Variants in ARHGAP30 observed in about 807,000 individuals in gnomAD.
ARHGAP30 encodes the protein Rho GTPase activating protein 30, also known as rho GTPase-activating protein 30.
ARHGAP30 carries 23 observed loss-of-function variants against 72.0 expected under a neutral mutation model. That is an observed-to-expected ratio of 0.32 (90% CI 0.23 to 0.45). The LOEUF (loss-of-function observed/expected upper bound fraction) is 0.45. ARHGAP30 is among the 20% of genes least tolerant of loss of function. ARHGAP30 has a pLI of 1.00. For synonymous variants in ARHGAP30, 576 were observed against 528.2 expected (o/e 1.09, Z -1.24); for missense variants, 1,319 against 1,383.4 (o/e 0.95, Z 0.74).
rs573527253 is a variant in ARHGAP30, at chr1:161,054,120, A to T, written c.536+246T>A. ...CTGTTATGTTCCAGTCCCTGAGCTC[A>T]GTGACACACTGTAGGAAAACACAAA... On this transcript the variant is annotated intron_variant, in intron 5 of 11. Coordinates refer to ENST00000368013, the MANE Select transcript of ARHGAP30 (RefSeq NM_001025598.2). Among the ~76,000 whole-genome samples, 5 of 152,316 alleles carry T rather than the reference A, an allele frequency of 3.3e-5. No individual in the cohort carries two copies. The East Asian group carries it at 9.7e-4, about 29-fold the overall frequency.
chr1:161,066,018 C>A (rs969128479), intron 1 of ARHGAP30, among the ~76,000 whole-genome samples: 1 of 151,440 alleles, frequency 6.6e-6, no homozygotes, highest in Non-Finnish European at 1.5e-5. Flanking sequence ...GCGCACACCA[C>A]CATGTCCAGC....
At chr1:161,050,108 G>A (rs920541841) in intron 10 of ARHGAP30, among the ~76,000 whole-genome samples, 2 of 152,088 alleles carry the variant, frequency 1.3e-5, no homozygotes, top group Non-Finnish European at 2.9e-5. Flanking sequence ...CTTCTCATGA[G>A]TGACACTTCA....
chr1:161,064,707 T>G (rs1238141340), intron 1 of ARHGAP30, among the ~76,000 whole-genome samples: 1 of 147,844 alleles, frequency 6.8e-6, no homozygotes, highest in Non-Finnish European at 1.5e-5. Context: ...CAGTGAGTGA[T>G]GATGGCACCA....
chr1:161,049,361 A>T (rs767530546), intron 11 of ARHGAP30, 27 bp from the exon 12 acceptor site: 1 of 1,604,398 alleles, frequency 6.2e-7, no homozygotes, highest in East Asian at 2.2e-5. Context: ...GTGACTCAGG[A>T]CCAGGAGGCC....
chr1:161,052,863 CCTT>C, intron 6 of ARHGAP30, 66 bp from the exon 7 acceptor site: 1 of 1,558,966 alleles, frequency 6.4e-7, no homozygotes, highest in Non-Finnish European at 8.7e-7. Context: ...GGCACCCAAT[CCTT>C]CATCACCCCT....
chr1:161,053,224 A>G lies in ARHGAP30; in HGVS notation c.664+34T>C, dbSNP rs557078090. On this transcript the variant is annotated intron_variant, in intron 6 of 11. Transcript: ENST00000368013. ...TCTGTAACTAACTTGACTCCCCAAC[A>G]GTGGGATATGTGGAGGGCAGGAAGG... 222 of 1,612,168 alleles carry G rather than the reference A, an allele frequency of 1.4e-4. 6 individuals carry two copies. In the South Asian group the frequency reaches 2.3e-3, roughly 17 times the overall value.
Position 161,048,094 on chromosome 1 carries a change from C to A in ARHGAP30, c.2927G>T (p.Gly976Val). ...PRPGRLDGTP[G>V]ERAWGSRASR... is the part of the protein sequence containing the mutation. Reference sequence around the variant, plus strand: ...AGCTCGGGACCCCCAAGCCCTTTCTCCAGGAGTCCCATCAAGCCGGCCAGG... The same window carrying A: ...AGCTCGGGACCCCCAAGCCCTTTCTACAGGAGTCCCATCAAGCCGGCCAGG... Residue 976 changes from glycine to valine, a missense_variant, in exon 12 of 12, where the codon GGA (glycine) becomes GTA (valine). Gly to Val is a moderately radical substitution (Grantham distance 109). Around this residue, in one of 2 missense-constraint regions of ARHGAP30, gnomAD observed 1,097 missense variants for 1,045.2 expected, o/e 1.05. Coordinates refer to ENST00000368013, the MANE Select transcript of ARHGAP30 (RefSeq NM_001025598.2). 6.2e-7 allele frequency: 1 copy of A among 1,614,176 alleles called. No homozygotes were observed. The highest frequency in any genetic ancestry group is 8.5e-7 in the Non-Finnish European group (1 of 1,180,016).
Position 161,048,705 on chromosome 1 carries a change from C to T in ARHGAP30, c.2316G>A (p.Gly772=). 2.5e-6 allele frequency: 4 copies of T among 1,614,054 alleles called. No individual in the cohort carries two copies. Among genetic ancestry groups the T allele is most frequent in the Non-Finnish European group, 3.4e-6 (4 of 1,180,010 alleles). ...CCTCAGCAACTTGATCTTCCTGGGC[C>T]CCTTGCTCTAGGTCCCTTCCAGCTT... ...QVEAGRDLEQ[G]AQEDQVAEEK... is the part of the protein sequence containing the mutation. The change falls in exon 12 of 12, where the codon GGG becomes GGA. Residue 772 remains glycine, a synonymous_variant. Coordinates refer to ENST00000368013, the MANE Select transcript of ARHGAP30 (RefSeq NM_001025598.2).
intron 3 of ARHGAP30, 126 bp from the exon 4 acceptor site, chr1:161,054,831 C>T: frequency 1.2e-6 from 1 of 801,862 alleles, no homozygotes; most frequent in Non-Finnish European, 2.1e-6. Context: ...CATCCTACAT[C>T]ATCTGCGGTG....
At chr1:161,051,861 A>T (rs1351798362) in intron 9 of ARHGAP30, 146 bp from the exon 10 acceptor site, 3 of 1,420,334 alleles carry the variant, frequency 2.1e-6, no homozygotes, top group Non-Finnish European at 1.8e-6. Flanking sequence ...GCTTCTTTTG[A>T]TCACTACTGC....
Position 161,063,932 on chromosome 1 carries a change from G to A in ARHGAP30, c.98-4216C>T, listed in dbSNP as rs192904509. 2.0e-4 allele frequency among the ~76,000 whole-genome samples: 31 copies of A among 152,280 alleles called. No individual in the cohort carries two copies. In the East Asian group the frequency reaches 3.7e-3, roughly 18 times the overall value. Reference sequence around the variant, plus strand: ...TCGCCTAATAAATTTTGGTCAGACCGGTTGATCTCAAAACCTGTCTCCTGA... The same window carrying A: ...TCGCCTAATAAATTTTGGTCAGACCAGTTGATCTCAAAACCTGTCTCCTGA... On this transcript the variant is annotated intron_variant, in intron 1 of 11. Transcript: ENST00000368013.
At position 161,048,902 on chromosome 1, in the gene ARHGAP30, C is replaced by T. The variant is rs1651114079; in HGVS notation, c.2119G>A (p.Glu707Lys). ...GSQETKVRLR[E>K]GSREETEAKE... ...GCCTCTGTCTCTTCCCTACTCCCTT[C>T]TCTCAATCTGACTTTTGTCTCTTGG... Residue 707 changes from glutamate (E) to lysine (K), a missense_variant, in exon 12 of 12, where the codon GAA becomes AAA. Physicochemically the swap from Glu to Lys is moderately conservative, Grantham distance 56. This residue lies in a region of ARHGAP30 where 1,097 missense variants were observed against 1,045.2 expected (regional missense o/e 1.05). Transcript: ENST00000368013. 1 of 1,614,158 alleles carries T rather than the reference C, an allele frequency of 6.2e-7. No individual in the cohort carries two copies. Among genetic ancestry groups the T allele is most frequent in the African/African-American group, 1.3e-5 (1 of 75,032 alleles).
chr1:161,052,589 C>G (rs1002858510), intron 7 of ARHGAP30, 37 bp downstream of exon 7: 1 of 1,613,888 alleles, frequency 6.2e-7, no homozygotes, highest in Admixed American at 1.7e-5. Flanking sequence ...ACATGAAGGT[C>G]GGTGCAGGGG....
intron 6 of ARHGAP30, 33 bp downstream of exon 6, chr1:161,053,225 G>A (rs750515978): frequency 6.2e-7 from 1 of 1,611,950 alleles, no homozygotes; most frequent in Non-Finnish European, 8.5e-7. Flanking sequence ...CTCCCCAACA[G>A]TGGGATATGT....
intron 2 of ARHGAP30, among the ~76,000 whole-genome samples, chr1:161,058,860 CA>C (rs771979327): frequency 1.0e-3 from 120 of 114,690 alleles, no homozygotes; most frequent in Middle Eastern, 4.4e-3. Flanking sequence ...GACTCTATCT[CA>C]AAAAAAAAAA....
chr1:161,068,950 G>A (rs1483764879), intron 1 of ARHGAP30, among the ~76,000 whole-genome samples: 3 of 152,156 alleles, frequency 2.0e-5, no homozygotes, highest in South Asian at 4.1e-4. Context: ...GGGACAACAA[G>A]AGAATCACAA....
In ARHGAP30 at chr1:161,069,483, A is replaced by G; in HGVS notation, c.97+45T>C. On this transcript the variant is annotated intron_variant, in intron 1 of 11. Transcript: ENST00000368013. The surrounding 1 kb of genome is among the most constrained non-coding windows in gnomAD (Gnocchi z 4.9). ...AGGCTGGATCGGGCTGCAGATGCCC[A>G]GTGCCTCCCCACCCACCCTGCAGAA... 3 of 1,548,612 alleles carry G rather than the reference A, an allele frequency of 1.9e-6. No homozygotes were observed. The highest frequency in any genetic ancestry group is 2.7e-6 in the Non-Finnish European group (3 of 1,130,886).
At position 161,053,438 on chromosome 1, in the gene ARHGAP30, C is replaced by A; in HGVS notation, c.537-53G>T. Reference sequence around the variant, plus strand: ...CTCAGCCCCACCAAACTTCCCAATCCAGATTCTCCCTGAAAATACCTTATT... The same window carrying A: ...CTCAGCCCCACCAAACTTCCCAATCAAGATTCTCCCTGAAAATACCTTATT... On this transcript the variant is annotated intron_variant, in intron 5 of 11. Coordinates refer to ENST00000368013, the MANE Select transcript of ARHGAP30 (RefSeq NM_001025598.2). The A allele has an allele frequency of 3.8e-6, 6 of 1,580,282 alleles. No individual in the cohort carries two copies. The South Asian group carries it at 4.4e-5, about 12-fold the overall frequency.
In ARHGAP30 at chr1:161,048,052, C is replaced by G. The variant is rs374307651; in HGVS notation, c.2969G>C (p.Arg990Thr). 17 of 1,614,098 alleles carry G rather than the reference C, an allele frequency of 1.1e-5. No homozygotes were observed. The African/African-American group carries it at 2.0e-4, about 19-fold the overall frequency. The stretch of plus-strand genomic sequence containing the variant: ...ATCAAAGGAAAGACTACCCCCATTC[C>G]TCCAAGAGGATCGAGAAGCTCGGGA... ...WGSRASRSSW[R>T]NGGSLSFDAA... The change falls in exon 12 of 12, where the codon AGG (arginine) becomes ACG (threonine). Residue 990 changes from arginine to threonine, a missense_variant. This residue lies in a region of ARHGAP30 where 1,097 missense variants were observed against 1,045.2 expected (regional missense o/e 1.05). Transcript: ENST00000368013.
Sources: gnomAD v4.1 joint callset for allele counts (sites outside exome capture counted in the v4.1 genomes callset) on GRCh38, gnomAD v4.1.1 for gene constraint, gnomAD v4.1.1 regional missense constraint, Gnocchi (gnomAD v3.1) non-coding constraint, MANE v1.5 for transcripts, NCBI Gene and HGNC (gene_info 2026-07-23, HGNC 2026-07-21) for gene names.